The following GPRC5A variants were observed in gnomAD, a reference collection of about 807,000 sequenced individuals.
The protein encoded by GPRC5A is retinoic acid-induced protein 3.
GPRC5A carries 19 observed loss-of-function variants against 22.5 expected under a neutral mutation model. The ratio of observed to expected loss-of-function variants is 0.85; its 90% CI spans 0.59 to 1.24. GPRC5A has a LOEUF of 1.24. Ranked by LOEUF, GPRC5A falls within the 50% of genes most tolerant of loss-of-function variation. The pLI is 0.00. For synonymous variants in GPRC5A, 192 were observed against 184.5 expected, an observed-to-expected ratio of 1.04 and a Z score of -0.33; for missense variants, 471 against 451.1, an observed-to-expected ratio of 1.04 and a Z score of -0.40.
intron 1 of GPRC5A, among the ~76,000 whole-genome samples, chr12:12,904,927 C>T (rs1464497987): frequency 1.3e-5 from 2 of 148,230 alleles, no homozygotes; most frequent in Non-Finnish European, 3.0e-5. Flanking sequence ...TCTCTGTCAC[C>T]CAGCCTGGAG....
At chr12:12,900,283 G>A (rs1480102284) in intron 1 of GPRC5A, among the ~76,000 whole-genome samples, 4 of 152,204 alleles carry the variant, frequency 2.6e-5, no homozygotes, top group Non-Finnish European at 5.9e-5. Flanking sequence ...GAATGAGGAT[G>A]AGGGGGAGAA....
intron 1 of GPRC5A, among the ~76,000 whole-genome samples, chr12:12,893,026 C>T (rs761675927): frequency 2.6e-5 from 4 of 152,148 alleles, no homozygotes; most frequent in Non-Finnish European, 5.9e-5. Flanking sequence ...GGGACCTCTC[C>T]AAGGGCGTGG....
chr12:12,899,201 A>AT (rs1254722958), intron 1 of GPRC5A, among the ~76,000 whole-genome samples: 4 of 151,992 alleles, frequency 2.6e-5, no homozygotes, highest in Non-Finnish European at 4.4e-5. Context: ...CACCCGGCTA[A>AT]TTTTTAATTT....
intron 1 of GPRC5A, among the ~76,000 whole-genome samples, chr12:12,894,600 G>T (rs1863800448): frequency 6.6e-6 from 1 of 151,774 alleles, no homozygotes; most frequent in Non-Finnish European, 1.5e-5. Context: ...GTAGAGATGG[G>T]GTTTTGCCAT....
Position 12,908,282 on chromosome 12 carries a change from T to C in GPRC5A, c.33T>C (p.Asn11=). 1.2e-6 allele frequency: 2 copies of C among 1,603,202 alleles called. No homozygotes were observed. The highest frequency in any genetic ancestry group is 1.7e-6 in the Non-Finnish European group (2 of 1,175,020). Residue 11 remains asparagine (N), a synonymous_variant, in exon 2 of 4, where the codon AAT becomes AAC. Transcript: ENST00000014914. MATTVPDGCR[N]GLKSKYYRLC... ...CAACAGTCCCTGATGGTTGCCGCAA[T>C]GGCCTGAAATCCAAGTACTACAGAC... is the stretch of plus-strand genomic sequence containing the variant.
chr12:12,894,315 C>G (rs913327399), intron 1 of GPRC5A, among the ~76,000 whole-genome samples: 1 of 152,164 alleles, frequency 6.6e-6, no homozygotes, highest in African/African-American at 2.4e-5. Flanking sequence ...TGTTCTTATT[C>G]ATATTGTATA....
Position 12,912,770 on chromosome 12 carries a change from T to A in GPRC5A, c.*231T>A, listed in dbSNP as rs1061036. On this transcript the variant is annotated 3_prime_UTR_variant, in exon 4 of 4. Transcript: ENST00000014914. ...ATTTTTTTTTTTTTGTCTCATCCTT[T>A]GGATACTTCTTTTAAGTGGGAGTCT... 253,323 of 490,108 alleles carry A rather than the reference T, an allele frequency of 0.52. 70,981 individuals are homozygous for A. The highest frequency in any genetic ancestry group is 0.9 in the East Asian group (28,316 of 31,318). The allele number at this position is 490,108 out of a possible 1,614,324, so 30.4% of individuals were successfully genotyped here.
chr12:12,893,918 C>T (rs1403741347), intron 1 of GPRC5A, among the ~76,000 whole-genome samples: 5 of 152,078 alleles, frequency 3.3e-5, no homozygotes, highest in East Asian at 1.9e-4. Flanking sequence ...CCCGCTACCA[C>T]GCCTGGGTAA....
chr12:12,899,382 A>C (rs1437316434), intron 1 of GPRC5A, among the ~76,000 whole-genome samples: 1 of 152,126 alleles, frequency 6.6e-6, no homozygotes, highest in African/African-American at 2.4e-5. Context: ...CAATGCTTGA[A>C]TATATGGTGG....
Position 12,914,544 on chromosome 12 carries a change from C to CCCTTCTTCCTT in GPRC5A, c.*2006_*2007insCTTCTTCCTTC, listed in dbSNP as rs1864038055. The CCCTTCTTCCTT allele has an allele frequency of 1.5e-5, 2 of 136,008 alleles. No individual in the cohort carries two copies. The highest frequency in any genetic ancestry group is 2.7e-4 in the South Asian group (1 of 3,728). 8.4% of individuals were successfully genotyped at this position (136,008 alleles called of 1,614,324 possible). On this transcript the variant is annotated 3_prime_UTR_variant, in exon 4 of 4. Coordinates refer to ENST00000014914, the MANE Select transcript of GPRC5A (RefSeq NM_003979.4). ...TCTTTCTCTCTTTCCTTCCTTCCTT[C>CCCTTCTTCCTT]CTTTCTTCTTTCTTTCTTTCTTTCT...
intron 1 of GPRC5A, among the ~76,000 whole-genome samples, chr12:12,893,105 C>T (rs919437460): frequency 2.0e-5 from 3 of 152,180 alleles, no homozygotes; most frequent in Admixed American, 2.0e-4. Flanking sequence ...GAGCTCTCAA[C>T]CTTGAGTCAG....
chr12:12,895,168 C>T (rs148405079), intron 1 of GPRC5A, among the ~76,000 whole-genome samples: 1 of 152,104 alleles, frequency 6.6e-6, no homozygotes, highest in Non-Finnish European at 1.5e-5. Flanking sequence ...TTGATTACAA[C>T]TTTGTATGAT....
chr12:12,907,407 A>T (rs1863954006), intron 1 of GPRC5A, among the ~76,000 whole-genome samples: 1 of 151,478 alleles, frequency 6.6e-6, no homozygotes. Context: ...TCTCAAAAAA[A>T]AAAAAAAAGA....
intron 1 of GPRC5A, among the ~76,000 whole-genome samples, chr12:12,900,593 GT>G (rs66989079): frequency 0.037 from 5,653 of 151,952 alleles, 382 homozygotes; most frequent in African/African-American, 0.13. Context: ...TTCCCCACTG[GT>G]TTTTCTAAAC....
Position 12,891,673 on chromosome 12 carries a change from G to A in GPRC5A, c.-8+9G>A, listed in dbSNP as rs921845587. 6.6e-6 allele frequency: 1 copy of A among 152,224 alleles called. No homozygotes were observed. The highest frequency in any genetic ancestry group is 2.4e-5 in the African/African-American group (1 of 41,464). The allele number at this position is 152,224 out of a possible 1,614,324, so 9.4% of individuals were successfully genotyped here. A position where few individuals can be genotyped will look rare whatever the true frequency, so the allele number is the denominator to read the frequency against. On this transcript the variant is annotated intron_variant, in intron 1 of 3. Coordinates refer to ENST00000014914, the MANE Select transcript of GPRC5A (RefSeq NM_003979.4). ...AACGCCTTGGCACTAGGGTAAGTGA[G>A]GCGCCAGGAGCCCAGAGCGCTGGGG... is the stretch of plus-strand genomic sequence containing the variant.
rs371915385 is a variant in GPRC5A at position 12,908,766 on chromosome 12, C to T, written c.517C>T (p.Arg173Cys). 94 of 1,614,200 alleles carry T rather than the reference C, an allele frequency of 5.8e-5. No individual in the cohort carries two copies. The South Asian group carries it at 7.8e-4, about 13-fold the overall frequency. The change falls in exon 2 of 4, where the codon CGC (arginine) becomes TGC (cysteine). Residue 173 changes from arginine to cysteine, a missense_variant. Physicochemically the swap from Arg to Cys is radical, Grantham distance 180 (BLOSUM62 -3). Coordinates refer to ENST00000014914, the MANE Select transcript of GPRC5A (RefSeq NM_003979.4). Reference sequence around the variant, plus strand: ...CTTTTCTGAGCTTTCCGCTCCTCGTCGCAATGAAGACTTTGTCCTCCTGCT... The same window carrying T: ...CTTTTCTGAGCTTTCCGCTCCTCGTTGCAATGAAGACTTTGTCCTCCTGCT... ...NVFSELSAPR[R>C]NEDFVLLLTY...
chr12:12,897,938 A>G (rs1346610095), intron 1 of GPRC5A, among the ~76,000 whole-genome samples: 3 of 151,464 alleles, frequency 2.0e-5, no homozygotes, highest in African/African-American at 7.3e-5. Flanking sequence ...TCCTTTGCGG[A>G]CTCCTACCTA....
intron 1 of GPRC5A, among the ~76,000 whole-genome samples, chr12:12,907,400 C>CAA (rs567033664): frequency 2.2e-5 from 2 of 90,156 alleles, no homozygotes; most frequent in Admixed American, 1.4e-4. Flanking sequence ...GACTCTGTCT[C>CAA]AAAAAAAAAA....
intron 1 of GPRC5A, among the ~76,000 whole-genome samples, chr12:12,903,756 C>T (rs1414969971): frequency 6.6e-6 from 1 of 152,186 alleles, no homozygotes; most frequent in East Asian, 1.9e-4. Context: ...GGCCCTGAGA[C>T]TCAGCACCCT....
Sources: gnomAD v4.1 joint callset for allele counts (sites outside exome capture counted in the v4.1 genomes callset) on GRCh38, gnomAD v4.1.1 for gene constraint, MANE v1.5 for transcripts, NCBI Gene and HGNC (gene_info 2026-07-23, HGNC 2026-07-21) for gene names.